The following ISY1 variants were observed in gnomAD, a reference collection of about 807,000 sequenced individuals.
ISY1 encodes the protein pre-mRNA-splicing factor ISY1 homolog.
Under a neutral mutation model 54.4 loss-of-function variants are expected in ISY1, and 12 were observed. That is an observed-to-expected ratio of 0.22 (90% CI 0.14 to 0.36). The LOEUF is 0.36. Ranked by LOEUF, ISY1 falls within the 10% of genes least tolerant of loss-of-function variation. ISY1 has a pLI of 1.00. For missense variants in ISY1, 282 were observed against 342.2 expected (o/e 0.82, Z 1.39); for synonymous variants, 96 against 117.9 (o/e 0.81, Z 1.20).
In ISY1 at chr3:129,155,708, A is replaced by ACT. The variant is rs1300035595; in HGVS notation, c.187+923_187+924dup. Reference sequence around the variant, plus strand: ...ATCTGTTGTTATAATCAGAGAAAATACTCTGTGTAATTTCAATTTTTTTTT... The same window carrying ACT: ...ATCTGTTGTTATAATCAGAGAAAATACTCTCTGTGTAATTTCAATTTTTTTTT... On this transcript the variant is annotated intron_variant, in intron 5 of 10. Coordinates refer to ENST00000393295, the MANE Select transcript of ISY1 (RefSeq NM_020701.4). Among the ~76,000 whole-genome samples, 6 of 150,942 alleles carry ACT rather than the reference A, an allele frequency of 4.0e-5. No homozygotes were observed. In the East Asian group the frequency reaches 1.2e-3, roughly 29 times the overall value.
chr3:129,148,308 G>A (rs1003736653), intron 5 of ISY1, among the ~76,000 whole-genome samples: 1 of 152,118 alleles, frequency 6.6e-6, no homozygotes, highest in African/African-American at 2.4e-5. Context: ...ACCTAGGAGT[G>A]GAATTGATGG....
chr3:129,149,757 C>G (rs1376408612), intron 5 of ISY1, among the ~76,000 whole-genome samples: 2 of 131,436 alleles, frequency 1.5e-5, no homozygotes, highest in East Asian at 4.3e-4. Context: ...CCACTGCACT[C>G]CAGCCTGGGC....
At chr3:129,160,845 C>T in intron 1 of ISY1, 128 bp downstream of exon 1, 1 of 1,203,698 alleles carries the variant, frequency 8.3e-7, no homozygotes, top group Non-Finnish European at 1.2e-6. Context: ...CCCCTCGTTA[C>T]ACCAAGGAAC....
intron 9 of ISY1, among the ~76,000 whole-genome samples, chr3:129,131,426 G>A (rs1018627202): frequency 6.6e-6 from 1 of 152,216 alleles, no homozygotes; most frequent in African/African-American, 2.4e-5. Context: ...ACTCACATAT[G>A]TAAAGTTCAG....
At chr3:129,133,959 G>T in intron 9 of ISY1, 115 bp downstream of exon 9, 1 of 1,527,654 alleles carries the variant, frequency 6.5e-7, no homozygotes, top group African/African-American at 1.4e-5. Flanking sequence ...TCCTGCAGGT[G>T]AGCAAGCTGG....
At chr3:129,138,752 T>C (rs1224986641) in intron 7 of ISY1, among the ~76,000 whole-genome samples, 1 of 147,700 alleles carries the variant, frequency 6.8e-6, no homozygotes, top group Non-Finnish European at 1.5e-5. Flanking sequence ...GAGGCAGAGG[T>C]TGCAGTGAGC....
At chr3:129,153,036 C>A (rs1393109882) in intron 5 of ISY1, among the ~76,000 whole-genome samples, 1 of 130,486 alleles carries the variant, frequency 7.7e-6, no homozygotes, top group East Asian at 2.3e-4. Context: ...TTGAGATGGA[C>A]TGTCGCTCTG....
chr3:129,133,055 C>A (rs534238193), intron 9 of ISY1, among the ~76,000 whole-genome samples: 2 of 152,280 alleles, frequency 1.3e-5, no homozygotes, highest in Non-Finnish European at 2.9e-5. Context: ...GTGCAGGCAG[C>A]AAGGACTCCA....
intron 5 of ISY1, among the ~76,000 whole-genome samples, chr3:129,153,931 CCT>C (rs2107618029): frequency 1.3e-5 from 2 of 151,980 alleles, no homozygotes; most frequent in South Asian, 2.1e-4. Flanking sequence ...ATGGTGAAAC[CCT>C]GTCTCTACTA....
intron 7 of ISY1, among the ~76,000 whole-genome samples, chr3:129,135,825 G>A (rs1336496185): frequency 3.3e-5 from 5 of 151,586 alleles, no homozygotes; most frequent in African/African-American, 9.7e-5. Flanking sequence ...ACAGAAATAT[G>A]CATCACAGTA....
intron 6 of ISY1, among the ~76,000 whole-genome samples, chr3:129,143,579 C>A (rs963199953): frequency 3.3e-5 from 5 of 150,330 alleles, no homozygotes; most frequent in Non-Finnish European, 5.9e-5. Flanking sequence ...TTTATTGACA[C>A]GAAACTGTAT....
intron 5 of ISY1, among the ~76,000 whole-genome samples, chr3:129,154,930 C>T (rs534189539): frequency 1.2e-4 from 19 of 152,086 alleles, no homozygotes; most frequent in South Asian, 1.0e-3. Flanking sequence ...CCTCGTCATC[C>T]GCCCGCCTCG....
At chr3:129,157,432 G>A (rs1937174816) in intron 3 of ISY1, among the ~76,000 whole-genome samples, 1 of 152,112 alleles carries the variant, frequency 6.6e-6, no homozygotes, top group Non-Finnish European at 1.5e-5. Flanking sequence ...AAAGGACCCA[G>A]TCATCAGGCT....
intron 5 of ISY1, among the ~76,000 whole-genome samples, chr3:129,147,135 G>A (rs1348693881): frequency 6.6e-6 from 1 of 151,874 alleles, no homozygotes; most frequent in African/African-American, 2.4e-5. Context: ...AGCCTTTCGG[G>A]AGGCAGAGGA....
chr3:129,149,269 T>C (rs1434581998), intron 5 of ISY1, among the ~76,000 whole-genome samples: 1 of 149,886 alleles, frequency 6.7e-6, no homozygotes, highest in South Asian at 2.1e-4. Context: ...CTATCTCTAC[T>C]AAAAATACAA....
At chr3:129,139,028 A>G (rs58669858) in intron 7 of ISY1, among the ~76,000 whole-genome samples, 1 of 151,572 alleles carries the variant, frequency 6.6e-6, no homozygotes, top group African/African-American at 2.4e-5. Context: ...TCTGCCTCCC[A>G]GGTTCAAGTG....
chr3:129,159,269 C>A, intron 1 of ISY1, 93 bp from the exon 2 acceptor site: 14 of 1,503,568 alleles, frequency 9.3e-6, no homozygotes, highest in Non-Finnish European at 1.3e-5. Flanking sequence ...TACAAGAATA[C>A]AATCACAAGC....
chr3:129,133,716 G>C (rs1936304750), intron 9 of ISY1, among the ~76,000 whole-genome samples: 1 of 152,132 alleles, frequency 6.6e-6, no homozygotes, highest in African/African-American at 2.4e-5. Context: ...AAAGATGGGG[G>C]TGTTAGACTA....
intron 9 of ISY1, 35 bp from the exon 10 acceptor site, chr3:129,130,671 C>A (rs372239632): frequency 1.2e-6 from 2 of 1,610,636 alleles, no homozygotes; most frequent in Non-Finnish European, 1.7e-6. Flanking sequence ...CATCAGTAGG[C>A]GCCCAGCTAG....
Sources: allele counts gnomAD v4.1 joint callset (sites outside exome capture counted in the v4.1 genomes callset), GRCh38; gene constraint gnomAD v4.1.1; transcripts MANE v1.5; gene names NCBI Gene and HGNC (gene_info 2026-07-23, HGNC 2026-07-21).